Variants in SUN1 observed in about 807,000 individuals in gnomAD.
SUN1 encodes Sad1 and UNC84 domain containing 1.
SUN1 carries 61 observed loss-of-function variants against 103.2 expected under a neutral mutation model. The ratio of observed to expected loss-of-function variants is 0.59; its 90% CI spans 0.48 to 0.73. SUN1 has a LOEUF of 0.73. Ranked by LOEUF, SUN1 falls within the 30% of genes least tolerant of loss-of-function variation. SUN1 has a pLI of 0.00. For missense variants in SUN1, 1,052 were observed against 1,034.6 expected (o/e 1.02, Z -0.23); for synonymous variants, 490 against 425.7 (o/e 1.15, Z -1.86).
intron 1 of SUN1, among the ~76,000 whole-genome samples, chr7:823,894 GA>G (rs1184158738): frequency 6.6e-6 from 1 of 152,184 alleles, no homozygotes; most frequent in African/African-American, 2.4e-5. Flanking sequence ...TGCCCAACAG[GA>G]AATAAAACGA....
intron 15 of SUN1, among the ~76,000 whole-genome samples, chr7:865,696 A>C (rs908130954): frequency 2.0e-5 from 3 of 152,096 alleles, no homozygotes; most frequent in Non-Finnish European, 4.4e-5. Flanking sequence ...ACTAATTTCC[A>C]TCCCACCAAC....
In SUN1 at chr7:860,365, T is replaced by A; in HGVS notation, c.1762T>A (p.Ser588Thr). 1 of 1,613,668 alleles carries A rather than the reference T, an allele frequency of 6.2e-7. No homozygotes were observed. Among genetic ancestry groups the A allele is most frequent in the East Asian group, 2.2e-5 (1 of 44,870 alleles). The change falls in exon 14 of 19, where the codon TCT (serine) becomes ACT (threonine). Residue 588 changes from serine (S) to threonine (T), a missense_variant. By Grantham distance (58) the Ser-to-Thr change is moderately conservative. This residue lies in a region of SUN1 where 846 missense variants were observed against 774.5 expected (regional missense o/e 1.09). Coordinates refer to ENST00000401592, the MANE Select transcript of SUN1 (RefSeq NM_001130965.3). ...VVSAVSEAGA[S>T]GITEAQARAI... ...GTCTGCTGTGAGCGAGGCGGGGGCGTCTGGAATAACAGAGGCGGTGAGTCG... is the reference window on the plus strand; with the variant it reads ...GTCTGCTGTGAGCGAGGCGGGGGCGACTGGAATAACAGAGGCGGTGAGTCG...
intron 17 of SUN1, among the ~76,000 whole-genome samples, chr7:871,031 C>G (rs530901500): frequency 1.3e-5 from 2 of 151,912 alleles, no homozygotes. Flanking sequence ...GCTGGGATTA[C>G]AGGCGCGTGC....
intron 15 of SUN1, among the ~76,000 whole-genome samples, chr7:863,653 C>T (rs1475839664): frequency 6.6e-6 from 1 of 152,226 alleles, no homozygotes; most frequent in South Asian, 2.1e-4. Flanking sequence ...AGTAGCCATC[C>T]TCACAGCCCC....
chr7:851,864 A>G (rs932805100), intron 6 of SUN1, 86 bp from the exon 7 acceptor site: 1 of 1,388,492 alleles, frequency 7.2e-7, no homozygotes, highest in African/African-American at 1.4e-5. Context: ...ATGTGCTTCT[A>G]GCTTGGCCTT....
Position 817,320 on chromosome 7 carries a change from C to T in SUN1, c.-74+647C>T, listed in dbSNP as rs1329335938. The T allele has an allele frequency of 9.7e-6, 11 of 1,134,680 alleles. 1 individual carries two copies. Among genetic ancestry groups the T allele is most frequent in the South Asian group, 2.6e-5 (2 of 75,628 alleles). 70.3% of individuals were successfully genotyped at this position (1,134,680 alleles called of 1,614,324 possible). On this transcript the variant is annotated intron_variant, in intron 1 of 17. Coordinates refer to the SUN1 transcript ENST00000389574. ...ATGCTGCCCAGGTCGGACTCCTAGGCTCAAGCGATCCCCTCGCCCCAGCCT... is the reference window on the plus strand; with the variant it reads ...ATGCTGCCCAGGTCGGACTCCTAGGTTCAAGCGATCCCCTCGCCCCAGCCT...
chr7:839,871 C>T (rs1807487781), intron 2 of SUN1, among the ~76,000 whole-genome samples: 1 of 152,128 alleles, frequency 6.6e-6, no homozygotes, highest in African/African-American at 2.4e-5. Flanking sequence ...TTCTTTAGGT[C>T]TTTATTAAAA....
chr7:839,936 G>A (rs10265305), intron 2 of SUN1, among the ~76,000 whole-genome samples: 69,874 of 152,066 alleles, frequency 0.46, 16,210 homozygotes, highest in East Asian at 0.65. Context: ...CTATATTTGC[G>A]TTCGTCGAGT....
chr7:817,453 C>T lies in SUN1; in HGVS notation c.-74+780C>T, dbSNP rs1196182946. 10 of 1,536,012 alleles carry T rather than the reference C, an allele frequency of 6.5e-6. No individual in the cohort carries two copies. The Admixed American group carries it at 9.8e-5, about 15-fold the overall frequency. On this transcript the variant is annotated intron_variant, in intron 1 of 17. Coordinates refer to the SUN1 transcript ENST00000389574. ...GCGGGGAACACCTTGCCACTGTCAC[C>T]GTCATGGGGAGGATTTCTCCCGGCT... is the stretch of plus-strand genomic sequence containing the variant.
At position 852,935 on chromosome 7, in the gene SUN1, C is replaced by A; in HGVS notation, c.1036C>A (p.Leu346Met). Reference protein sequence around the residue: ...QDVFKPTTSRLKQPLQGDSEA... With the variant: ...QDVFKPTTSRMKQPLQGDSEA... Reference sequence around the variant, plus strand: ...CGTGTTTAAACCCACGACTTCTCGCCTGAAGCAGCCTCTGCAGGTAAGAGG... The same window carrying A: ...CGTGTTTAAACCCACGACTTCTCGCATGAAGCAGCCTCTGCAGGTAAGAGG... Residue 346 changes from leucine (L) to methionine (M), a missense_variant, in exon 9 of 19, where the codon CTG (leucine) becomes ATG (methionine). Leu to Met is a conservative substitution (Grantham distance 15). Transcript: ENST00000401592. 6.2e-7 allele frequency: 1 copy of A among 1,613,222 alleles called. No individual in the cohort carries two copies. Among genetic ancestry groups the A allele is most frequent in the Non-Finnish European group, 8.5e-7 (1 of 1,179,696 alleles).
Position 874,785 on chromosome 7 carries a change from A to G in SUN1, c.*1454A>G, listed in dbSNP as rs532370756. 4.6e-5 allele frequency: 7 copies of G among 152,392 alleles called. No individual in the cohort carries two copies. The highest frequency in any genetic ancestry group is 9.6e-5 in the African/African-American group (4 of 41,602). The allele number at this position is 152,392 out of a possible 1,614,324, so 9.4% of individuals were successfully genotyped here. Reference sequence around the variant, plus strand: ...AAGATGCAAGATAGGACTTTGTGCAATGTATTTTTGTAAATGCTTTTCAAA... The same window carrying G: ...AAGATGCAAGATAGGACTTTGTGCAGTGTATTTTTGTAAATGCTTTTCAAA... On this transcript the variant is annotated 3_prime_UTR_variant, in exon 19 of 19. Coordinates refer to ENST00000401592, the MANE Select transcript of SUN1 (RefSeq NM_001130965.3).
At chr7:844,125 GCCT>G (rs1812829517) in intron 5 of SUN1, among the ~76,000 whole-genome samples, 1 of 152,166 alleles carries the variant, frequency 6.6e-6, no homozygotes, top group South Asian at 2.1e-4. Context: ...ACCGCGGGGG[GCCT>G]CCTCCTGGGC....
chr7:829,624 G>A (rs997421260), upstream of SUN1, among the ~76,000 whole-genome samples: 7 of 148,800 alleles, frequency 4.7e-5, no homozygotes, highest in South Asian at 2.1e-4. Flanking sequence ...GCGCTATCTC[G>A]GCTCACTGCA....
intron 1 of SUN1, among the ~76,000 whole-genome samples, chr7:821,682 G>A (rs78972993): frequency 2.6e-5 from 4 of 152,118 alleles, no homozygotes; most frequent in Non-Finnish European, 2.9e-5. Flanking sequence ...ATCCTTCAGC[G>A]TTCAACCCTT....
chr7:872,292 A>G (rs1314947981), intron 17 of SUN1, among the ~76,000 whole-genome samples, 178 bp from the exon 18 acceptor site: 1 of 152,142 alleles, frequency 6.6e-6, no homozygotes, highest in Non-Finnish European at 1.5e-5. Context: ...AGCCCTCAAC[A>G]AAACACACCC....
Position 851,768 on chromosome 7 carries a change from G to T in SUN1, c.758-182G>T, listed in dbSNP as rs1306931186. On this transcript the variant is annotated intron_variant, in intron 6 of 18. Coordinates refer to ENST00000401592, the MANE Select transcript of SUN1 (RefSeq NM_001130965.3). ...CTTCCTCTCCTGCATTCTGTCCTGTGTGTTCATCAGCATGATACGTTACTG... is the reference window on the plus strand; with the variant it reads ...CTTCCTCTCCTGCATTCTGTCCTGTTTGTTCATCAGCATGATACGTTACTG... The T allele has an allele frequency of 7.8e-6, 5 of 642,852 alleles. No homozygotes were observed. In the Admixed American group the frequency reaches 1.4e-4, roughly 18 times the overall value. The allele number at this position is 642,852 out of a possible 1,614,324, so 39.8% of individuals were successfully genotyped here. A position where few individuals can be genotyped will look rare whatever the true frequency, so the allele number is the denominator to read the frequency against.
chr7:856,022 T>C (rs1225440782), intron 11 of SUN1, among the ~76,000 whole-genome samples: 2 of 152,218 alleles, frequency 1.3e-5, no homozygotes, highest in Non-Finnish European at 2.9e-5. Flanking sequence ...CTCAGCTTCA[T>C]GTGTGCCTCT....
chr7:817,853 C>CTG (rs1295536312), intron 1 of SUN1, among the ~76,000 whole-genome samples: 1 of 152,046 alleles, frequency 6.6e-6, no homozygotes, highest in Non-Finnish European at 1.5e-5. Context: ...GGAAATACTA[C>CTG]TGTTTGGGCT....
intron 14 of SUN1, 145 bp downstream of exon 14, chr7:860,527 C>T (rs1224871674): frequency 1.9e-5 from 26 of 1,370,206 alleles, no homozygotes; most frequent in Middle Eastern, 2.6e-4. Context: ...TGAGATGAGA[C>T]GTGCCTGGGC....
Sources: allele counts gnomAD v4.1 joint callset (sites outside exome capture counted in the v4.1 genomes callset), GRCh38; gene constraint gnomAD v4.1.1; regional missense constraint gnomAD v4.1.1; transcripts MANE v1.5; gene names NCBI Gene and HGNC (gene_info 2026-07-23, HGNC 2026-07-21).